EFNA2: variants seen among roughly 807,000 people sequenced by gnomAD.
EFNA2 encodes the protein ephrin-A2.
EFNA2 carries 18 observed loss-of-function variants against 19.7 expected under a neutral mutation model. The observed-to-expected ratio is 0.91, with a 90% CI of 0.63 to 1.35. The LOEUF (loss-of-function observed/expected upper bound fraction) is 1.35. Among genes scored for constraint, EFNA2 ranks in the 40% most tolerant of loss-of-function variants. The pLI is 0.00. For synonymous variants in EFNA2, 187 were observed against 137.8 expected, an observed-to-expected ratio of 1.36 and a Z score of -2.50; for missense variants, 303 against 296.0, an observed-to-expected ratio of 1.02 and a Z score of -0.17.
chr19:1,286,191 T>A lies in EFNA2; in HGVS notation c.23T>A (p.Leu8Gln), dbSNP rs2081463119. The change falls in exon 1 of 4, where the codon CTG becomes CAG. Residue 8 changes from leucine to glutamine, a missense_variant. Transcript: ENST00000215368. The surrounding 1 kb of genome is among the most constrained non-coding windows in gnomAD (Gnocchi z 5.6). ...GCCATGGCGCCCGCGCAGCGCCCGC[T>A]GCTCCCGCTGCTGCTCCTGCTGTTA... MAPAQRP[L>Q]LPLLLLLLPL... 9.7e-7 allele frequency: 1 copy of A among 1,035,744 alleles called. No homozygotes were observed. Among genetic ancestry groups the A allele is most frequent in the Admixed American group, 5.7e-5 (1 of 17,600 alleles). 64.2% of individuals were successfully genotyped at this position (1,035,744 alleles called of 1,614,324 possible). A position where few individuals can be genotyped will look rare whatever the true frequency, so the allele number is the denominator to read the frequency against.
At position 1,286,213 on chromosome 19, in the gene EFNA2, G is replaced by C. The variant is rs562930859; in HGVS notation, c.45G>C (p.Leu15=). 2,201 of 1,108,844 alleles carry C rather than the reference G, an allele frequency of 2.0e-3. 44 individuals are homozygous for C. In the African/African-American group the frequency reaches 0.035, roughly 17 times the overall value. The allele number at this position is 1,108,844 out of a possible 1,614,324, so 68.7% of individuals were successfully genotyped here. ...QRPLLPLLLL[L]LPLPPPPFAR... The stretch of plus-strand genomic sequence containing the variant: ...CGCTGCTCCCGCTGCTGCTCCTGCT[G>C]TTACCGCTGCCGCCGCCGCCCTTCG... The change falls in exon 1 of 4, where the codon CTG becomes CTC. Residue 15 remains leucine, a synonymous_variant. Transcript: ENST00000215368. The surrounding 1 kb of genome is among the most constrained non-coding windows in gnomAD (Gnocchi z 5.6).
chr19:1,300,171 G>T lies in EFNA2; in HGVS notation c.*226G>T, dbSNP rs1248686258. ...CCCCCCCCCGGAGGCCCGAGGGGCC[G>T]GGGTGTGGATGCGGACCGTGGCCAG... On this transcript the variant is annotated 3_prime_UTR_variant, in exon 4 of 4. Transcript: ENST00000215368. 1 of 537,522 alleles carries T rather than the reference G, an allele frequency of 1.9e-6. No individual in the cohort carries two copies. The highest frequency in any genetic ancestry group is 3.1e-6 in the Non-Finnish European group (1 of 324,170). 33.3% of individuals were successfully genotyped at this position (537,522 alleles called of 1,614,324 possible).
At chr19:1,288,371 C>G (rs2081475889) in intron 1 of EFNA2, among the ~76,000 whole-genome samples, 1 of 152,164 alleles carries the variant, frequency 6.6e-6, no homozygotes, top group African/African-American at 2.4e-5. Context: ...CAAGGGGACC[C>G]TGTGGAGGGG....
At position 1,297,810 on chromosome 19, in the gene EFNA2, G is replaced by A. The variant is rs1201118417; in HGVS notation, c.455-741G>A. Among the ~76,000 whole-genome samples the A allele has an allele frequency of 7.2e-5, 11 of 152,204 alleles. No homozygotes were observed. The highest frequency in any genetic ancestry group is 4.2e-4 in the South Asian group (2 of 4,814). ...CCAGCCAGGCGTGGCGGTGGCTCAC[G>A]CCTGTAATCCCAGCACTTTGGGAGG... On this transcript the variant is annotated intron_variant, in intron 2 of 3. Coordinates refer to ENST00000215368, the MANE Select transcript of EFNA2 (RefSeq NM_001405.4). This position sits in a 1 kb window ranked among gnomAD's most constrained non-coding sequence, Gnocchi z 5.0.
chr19:1,290,957 CGA>C (rs1019589447), intron 1 of EFNA2, among the ~76,000 whole-genome samples: 2 of 152,206 alleles, frequency 1.3e-5, no homozygotes, highest in Non-Finnish European at 2.9e-5. Flanking sequence ...GGGGTCTGGC[CGA>C]GAGACTCAGC....
intron 1 of EFNA2, among the ~76,000 whole-genome samples, chr19:1,292,642 TTGGAGAGAGGAGGATGAGGAGGGCGCAG>T (rs2081496810): frequency 6.6e-6 from 1 of 152,060 alleles, no homozygotes; most frequent in South Asian, 2.1e-4. Flanking sequence ...GGGAGGAGTC[TTGGAGAGAGGAGGATGAGGAGGGCGCAG>T]TGGATGGGCC....
chr19:1,290,407 G>T (rs368651189), intron 1 of EFNA2, among the ~76,000 whole-genome samples: 1 of 152,224 alleles, frequency 6.6e-6, no homozygotes, highest in East Asian at 1.9e-4. Flanking sequence ...GGGAACAGAG[G>T]TTCCGTGGCG....
chr19:1,298,788 A>C (rs1220201103), intron 3 of EFNA2, among the ~76,000 whole-genome samples, 172 bp downstream of exon 3: 1 of 152,134 alleles, frequency 6.6e-6, no homozygotes, highest in Non-Finnish European at 1.5e-5. Flanking sequence ...GACCTTCGAG[A>C]GTGAAGGTTA....
In EFNA2 at chr19:1,286,389, T is replaced by A; in HGVS notation, c.140+81T>A. 3 of 624,044 alleles carry A rather than the reference T, an allele frequency of 4.8e-6. No individual in the cohort carries two copies. The highest frequency in any genetic ancestry group is 5.9e-6 in the Non-Finnish European group (3 of 505,092). 38.7% of individuals were successfully genotyped at this position (624,044 alleles called of 1,614,324 possible). On this transcript the variant is annotated intron_variant, in intron 1 of 3. Coordinates refer to ENST00000215368, the MANE Select transcript of EFNA2 (RefSeq NM_001405.4). The surrounding 1 kb of genome is among the most constrained non-coding windows in gnomAD (Gnocchi z 5.6). ...GCGCCCGGCCTCGCGCCCCCGGAGC[T>A]CCGGGCGCCCCCCACGCGCGCGCCG... is the stretch of plus-strand genomic sequence containing the variant.
chr19:1,295,608 C>T lies in EFNA2; in HGVS notation c.204C>T (p.Tyr68=). The T allele has an allele frequency of 1.9e-6, 3 of 1,611,374 alleles. No individual in the cohort carries two copies. The highest frequency in any genetic ancestry group is 2.5e-6 in the Non-Finnish European group (3 of 1,179,370). The change falls in exon 2 of 4, where the codon TAC becomes TAT. Residue 68 remains tyrosine (Y), a synonymous_variant. Coordinates refer to ENST00000215368, the MANE Select transcript of EFNA2 (RefSeq NM_001405.4). The surrounding 1 kb of genome is among the most constrained non-coding windows in gnomAD (Gnocchi z 5.8). ...GYTVEVSIND[Y]LDIYCPHYGA... ...CGGTGGAGGTGAGCATCAATGACTA[C>T]CTGGACATCTACTGCCCGCACTATG... is the stretch of plus-strand genomic sequence containing the variant.
Position 1,295,800 on chromosome 19 carries a change from C to G in EFNA2, c.396C>G (p.Leu132=). The stretch of plus-strand genomic sequence containing the variant: ...TCAAGTTCTCGGAGAAGTTCCAGCT[C>G]TTCACGCCCTTCTCCCTGGGCTTCG... ...GPLKFSEKFQ[L]FTPFSLGFEF... Residue 132 remains leucine (L), a synonymous_variant, in exon 2 of 4, where the codon CTC becomes CTG. Transcript: ENST00000215368. The surrounding 1 kb of genome is among the most constrained non-coding windows in gnomAD (Gnocchi z 5.8). 2 of 1,608,526 alleles carry G rather than the reference C, an allele frequency of 1.2e-6. No homozygotes were observed. Among genetic ancestry groups the G allele is most frequent in the Middle Eastern group, 1.7e-4 (1 of 5,994 alleles).
rs969737315 is a variant in EFNA2 at position 1,301,012 on chromosome 19, G to A, written c.*1067G>A. ...ACTTTTAGAGTAGAAGCTGCACTTG[G>A]CAATAAGCTCGTGTCGTCTGTCAGA... On this transcript the variant is annotated 3_prime_UTR_variant, in exon 4 of 4. Transcript: ENST00000215368. 3.3e-5 allele frequency among the ~76,000 whole-genome samples: 5 copies of A among 151,386 alleles called. No homozygotes were observed. In the East Asian group the frequency reaches 9.7e-4, roughly 29 times the overall value.
chr19:1,290,353 G>A (rs1478631948), intron 1 of EFNA2, among the ~76,000 whole-genome samples: 1 of 152,156 alleles, frequency 6.6e-6, no homozygotes, highest in Non-Finnish European at 1.5e-5. Context: ...CAGGCCTTCC[G>A]CCTCCACTGC....
rs1272313641 is a variant in EFNA2 at position 1,300,978 on chromosome 19, G to A, written c.*1033G>A. Among the ~76,000 whole-genome samples the A allele has an allele frequency of 8.6e-5, 13 of 151,232 alleles. No homozygotes were observed. In the East Asian group the frequency reaches 2.5e-3, roughly 29 times the overall value. On this transcript the variant is annotated 3_prime_UTR_variant, in exon 4 of 4. Coordinates refer to ENST00000215368, the MANE Select transcript of EFNA2 (RefSeq NM_001405.4). The stretch of plus-strand genomic sequence containing the variant: ...GGGGGTCTTTTATTTTGGTGGGGGG[G>A]TGGGGTGGACTTTTAGAGTAGAAGC...
intron 1 of EFNA2, among the ~76,000 whole-genome samples, chr19:1,290,416 C>CG: frequency 1.3e-5 from 2 of 152,288 alleles, no homozygotes; most frequent in Middle Eastern, 6.8e-3. Context: ...GGTTCCGTGG[C>CG]GGGGGGCCGT....
At chr19:1,292,193 G>A (rs556266410) in intron 1 of EFNA2, among the ~76,000 whole-genome samples, 7 of 152,310 alleles carry the variant, frequency 4.6e-5, no homozygotes, top group East Asian at 3.9e-4. Context: ...CAGGGGCAAC[G>A]CGCCCACCTC....
At chr19:1,293,740 G>A (rs1015480975) in intron 1 of EFNA2, among the ~76,000 whole-genome samples, 3 of 152,250 alleles carry the variant, frequency 2.0e-5, no homozygotes, top group African/African-American at 7.2e-5. Context: ...GGGCTGGAGG[G>A]TGACTTCACC....
chr19:1,284,327 G>GAC (rs2081453636), upstream of EFNA2, among the ~76,000 whole-genome samples: 1 of 152,238 alleles, frequency 6.6e-6, no homozygotes, highest in East Asian at 1.9e-4. The surrounding 1 kb of genome is among the most constrained non-coding windows in gnomAD (Gnocchi z 5.3). Flanking sequence ...CCACTGAAGA[G>GAC]ACACCCGGCC....
rs866062944 is a variant in EFNA2, at chr19:1,294,279, C to A, written c.141-1266C>A. ...TGACAGGGGCCCTGGGGACCACAGC[C>A]GGGAGATCTAAGGGCTCCTGCCGCC... On this transcript the variant is annotated intron_variant, in intron 1 of 3. Coordinates refer to ENST00000215368, the MANE Select transcript of EFNA2 (RefSeq NM_001405.4). This position sits in a 1 kb window ranked among gnomAD's most constrained non-coding sequence, Gnocchi z 5.8. Among the ~76,000 whole-genome samples the A allele has an allele frequency of 6.6e-6, 1 of 152,178 alleles. No individual in the cohort carries two copies. Among genetic ancestry groups the A allele is most frequent in the African/African-American group, 2.4e-5 (1 of 41,440 alleles).
Sources: gnomAD v4.1 joint callset for allele counts (sites outside exome capture counted in the v4.1 genomes callset) on GRCh38, gnomAD v4.1.1 for gene constraint, Gnocchi (gnomAD v3.1) non-coding constraint, MANE v1.5 for transcripts, NCBI Gene and HGNC (gene_info 2026-07-23, HGNC 2026-07-21) for gene names.